The following PLXDC2 variants were observed in gnomAD, a reference collection of about 807,000 sequenced individuals.
The protein encoded by PLXDC2 is plexin domain containing 2.
PLXDC2 carries 40 observed loss-of-function variants against 68.9 expected under a neutral mutation model. The ratio of observed to expected loss-of-function variants is 0.58; its 90% CI spans 0.45 to 0.76. The LOEUF is 0.76. Among genes scored for constraint, PLXDC2 ranks in the 30% least tolerant of loss-of-function variants. PLXDC2 has a pLI of 0.00. For synonymous variants in PLXDC2, 243 were observed against 234.2 expected (o/e 1.04, Z -0.34); for missense variants, 644 against 661.9 (o/e 0.97, Z 0.30).
intron 1 of PLXDC2, among the ~76,000 whole-genome samples, chr10:19,913,663 A>G (rs1188496444): frequency 6.6e-6 from 1 of 152,180 alleles, no homozygotes; most frequent in African/African-American, 2.4e-5. Context: ...ATCAATTATG[A>G]TGGATGAAAA....
At chr10:20,248,516 C>G (rs1003907287) in intron 13 of PLXDC2, among the ~76,000 whole-genome samples, 8 of 152,172 alleles carry the variant, frequency 5.3e-5, no homozygotes, top group African/African-American at 1.7e-4. Flanking sequence ...GAAGCAGATT[C>G]ATTCAGCAGG....
intron 1 of PLXDC2, among the ~76,000 whole-genome samples, chr10:19,981,398 T>C (rs770683406): frequency 6.6e-6 from 1 of 152,172 alleles, no homozygotes; most frequent in Non-Finnish European, 1.5e-5. Flanking sequence ...TCTTGATACA[T>C]GGGTTTGTTG....
chr10:19,954,305 AC>A (rs1485597959), intron 1 of PLXDC2, among the ~76,000 whole-genome samples: 1 of 152,052 alleles, frequency 6.6e-6, no homozygotes, highest in Admixed American at 6.6e-5. Context: ...ATCCTTATGG[AC>A]ATTTTGAATA....
chr10:19,952,733 C>T (rs1428347209), intron 1 of PLXDC2, among the ~76,000 whole-genome samples: 1 of 152,082 alleles, frequency 6.6e-6, no homozygotes, highest in Non-Finnish European at 1.5e-5. Flanking sequence ...CTTGGAAATA[C>T]GTTGAGCTGT....
intron 2 of PLXDC2, among the ~76,000 whole-genome samples, chr10:20,024,076 C>A (rs1226380093): frequency 6.6e-6 from 1 of 152,264 alleles, no homozygotes; most frequent in Admixed American, 6.5e-5. Context: ...ATATGATATT[C>A]TGGGGGAAAT....
intron 6 of PLXDC2, among the ~76,000 whole-genome samples, chr10:20,156,592 G>T (rs895817987): frequency 6.6e-6 from 1 of 152,096 alleles, no homozygotes; most frequent in Non-Finnish European, 1.5e-5. Flanking sequence ...TAAAGTGGAG[G>T]TGGATTTTAC....
intron 10 of PLXDC2, among the ~76,000 whole-genome samples, chr10:20,212,602 C>A (rs979900120): frequency 2.0e-5 from 3 of 152,082 alleles, no homozygotes; most frequent in Non-Finnish European, 4.4e-5. Context: ...CAAAGCAAGC[C>A]ATGCCAAAAT....
intron 7 of PLXDC2, 103 bp from the exon 8 acceptor site, chr10:20,176,896 C>G: frequency 1.3e-6 from 1 of 747,442 alleles, no homozygotes; most frequent in Non-Finnish European, 2.1e-6. Context: ...ATTTTAAAAC[C>G]ACATTGGGCT....
intron 3 of PLXDC2, among the ~76,000 whole-genome samples, chr10:20,054,888 G>A (rs1181019034): frequency 3.9e-5 from 6 of 151,952 alleles, no homozygotes; most frequent in Admixed American, 1.3e-4. Flanking sequence ...TGGATAGATA[G>A]GTAAAGATGC....
At chr10:19,997,578 A>G (rs1834863426) in intron 1 of PLXDC2, among the ~76,000 whole-genome samples, 1 of 152,220 alleles carries the variant, frequency 6.6e-6, no homozygotes, top group Admixed American at 6.5e-5. Context: ...AAATGTTTTC[A>G]GCAAATAACT....
rs149146350 is a variant in PLXDC2 at position 20,031,885 on chromosome 10, G to A, written c.325-14984G>A. Among the ~76,000 whole-genome samples the A allele has an allele frequency of 6.5e-3, 990 of 151,942 alleles. 11 individuals carry two copies. The highest frequency in any genetic ancestry group is 0.025 in the South Asian group (120 of 4,806). On this transcript the variant is annotated intron_variant, in intron 2 of 13. Coordinates refer to ENST00000377252, the MANE Select transcript of PLXDC2 (RefSeq NM_032812.9). Reference sequence around the variant, plus strand: ...CTGTCACTCATGCTGGAGTGCAGTGGCATAATCTCGGCCCACTGCAACCTC... The same window carrying A: ...CTGTCACTCATGCTGGAGTGCAGTGACATAATCTCGGCCCACTGCAACCTC...
chr10:19,948,390 CTTT>C (rs59867874), intron 1 of PLXDC2, among the ~76,000 whole-genome samples: 228 of 144,900 alleles, frequency 1.6e-3, no homozygotes, highest in Middle Eastern at 3.7e-3. Flanking sequence ...TTCTTTCTTT[CTTT>C]TTTTTTTTTT....
At chr10:20,239,276 C>T (rs1432630600) in intron 12 of PLXDC2, among the ~76,000 whole-genome samples, 1 of 152,168 alleles carries the variant, frequency 6.6e-6, no homozygotes, top group Non-Finnish European at 1.5e-5. Flanking sequence ...TAGATTCCTT[C>T]TCACGTTTCT....
chr10:19,865,542 T>C (rs975356465), intron 1 of PLXDC2, among the ~76,000 whole-genome samples: 1 of 152,162 alleles, frequency 6.6e-6, no homozygotes, highest in African/African-American at 2.4e-5. Context: ...CATTATCATC[T>C]ACTTTGCTAC....
At chr10:20,035,781 A>G (rs1333094586) in intron 2 of PLXDC2, among the ~76,000 whole-genome samples, 1 of 152,200 alleles carries the variant, frequency 6.6e-6, no homozygotes, top group Non-Finnish European at 1.5e-5. Context: ...TACTTTAGAA[A>G]TGAGATTATT....
chr10:19,892,133 A>G (rs1359885371), intron 1 of PLXDC2, among the ~76,000 whole-genome samples: 1 of 152,248 alleles, frequency 6.6e-6, no homozygotes, highest in Non-Finnish European at 1.5e-5. Flanking sequence ...CTCAGTAGCT[A>G]CTTAATAAAT....
At chr10:20,185,443 G>A (rs180832523) in intron 9 of PLXDC2, among the ~76,000 whole-genome samples, 2 of 152,014 alleles carry the variant, frequency 1.3e-5, no homozygotes, top group African/African-American at 4.8e-5. Context: ...TCCTTCAGGG[G>A]CATATAAAGC....
intron 4 of PLXDC2, among the ~76,000 whole-genome samples, chr10:20,105,751 T>G (rs992558070): frequency 1.3e-5 from 2 of 152,322 alleles, no homozygotes; most frequent in Admixed American, 1.3e-4. Context: ...AACATCCTCA[T>G]TAAGAACCTT....
chr10:20,064,117 CT>C lies in PLXDC2; in HGVS notation c.472-4043del, dbSNP rs200616600. Among the ~76,000 whole-genome samples, 27 of 147,904 alleles carry C rather than the reference CT, an allele frequency of 1.8e-4. No individual in the cohort carries two copies. In the East Asian group the frequency reaches 2.2e-3, roughly 12 times the overall value. ...TCTTCCCACCACCATTTTCTTGAAT[CT>C]TTTTTTTTTCTTTCATGTTAAATAT... On this transcript the variant is annotated intron_variant, in intron 3 of 13. Coordinates refer to ENST00000377252, the MANE Select transcript of PLXDC2 (RefSeq NM_032812.9).
Sources: gnomAD v4.1 joint callset for allele counts (sites outside exome capture counted in the v4.1 genomes callset) on GRCh38, gnomAD v4.1.1 for gene constraint, MANE v1.5 for transcripts, NCBI Gene and HGNC (gene_info 2026-07-23, HGNC 2026-07-21) for gene names.